The following MAGI2 variants were observed in gnomAD, a reference collection of about 807,000 sequenced individuals.
MAGI2 encodes membrane associated guanylate kinase, WW and PDZ domain containing 2, also known as membrane-associated guanylate kinase, WW and PDZ domain-containing protein 2.
A neutral mutation model predicts 133.3 loss-of-function variants in MAGI2; 35 were observed. The observed-to-expected ratio is 0.26, with a 90% confidence interval of 0.20 to 0.35. MAGI2 has a LOEUF of 0.35. MAGI2 is among the 10% of genes least tolerant of loss of function. The pLI is 1.00. For missense variants in MAGI2, 1,636 were observed against 1,863.4 expected (o/e 0.88, Z 2.25); for synonymous variants, 729 against 710.6 (o/e 1.03, Z -0.41).
chr7:78,830,601 T>C (rs1791059180), intron 2 of MAGI2, among the ~76,000 whole-genome samples: 1 of 152,208 alleles, frequency 6.6e-6, no homozygotes, highest in African/African-American at 2.4e-5. Flanking sequence ...AGTTTTCCTG[T>C]GATTTTCAGT....
At position 78,680,753 on chromosome 7, in the gene MAGI2, G is replaced by A. The variant is rs114923981; in HGVS notation, c.419-53514C>T. On this transcript the variant is annotated intron_variant, in intron 2 of 21. Transcript: ENST00000354212. ...ACCTAAATCCCTCTTAACCCAGTAG[G>A]ATTTCATTTCCTATCTGTGCTCCTT... 4.1e-3 allele frequency among the ~76,000 whole-genome samples: 626 copies of A among 152,198 alleles called. 9 individuals carry two copies. Among genetic ancestry groups the A allele is most frequent in the African/African-American group, 0.014 (591 of 41,532 alleles).
chr7:78,872,834 C>T (rs1014663703), intron 2 of MAGI2, among the ~76,000 whole-genome samples: 4 of 151,710 alleles, frequency 2.6e-5, no homozygotes, highest in East Asian at 1.9e-4. Context: ...ATGAGAATAA[C>T]CATATATGAA....
At chr7:78,803,102 A>G (rs1032545163) in intron 2 of MAGI2, among the ~76,000 whole-genome samples, 2 of 152,184 alleles carry the variant, frequency 1.3e-5, no homozygotes, top group Admixed American at 6.5e-5. Context: ...ATAGTTACAC[A>G]GGACAGATAA....
chr7:79,330,288 G>A (rs1160789784), intron 1 of MAGI2, among the ~76,000 whole-genome samples: 1 of 141,120 alleles, frequency 7.1e-6, no homozygotes, highest in Non-Finnish European at 1.5e-5. Flanking sequence ...CCGCCTTCCA[G>A]GTTCATGCCA....
chr7:78,382,022 C>A (rs149009454), intron 6 of MAGI2, among the ~76,000 whole-genome samples: 1 of 152,118 alleles, frequency 6.6e-6, no homozygotes, highest in Non-Finnish European at 1.5e-5. Context: ...ATTTTAATAG[C>A]AAATCATGGA....
Position 78,553,589 on chromosome 7 carries a change from T to G in MAGI2, c.539-31944A>C, listed in dbSNP as rs547209038. 7.7e-4 allele frequency among the ~76,000 whole-genome samples: 117 copies of G among 152,312 alleles called. 1 individual carries two copies. The highest frequency in any genetic ancestry group is 2.6e-3 in the African/African-American group (109 of 41,568). Reference sequence around the variant, plus strand: ...TCAGACTAAATGATCCCAAGTTAGTTAGATGATTATCTCATTAGAGCTACT... The same window carrying G: ...TCAGACTAAATGATCCCAAGTTAGTGAGATGATTATCTCATTAGAGCTACT... On this transcript the variant is annotated intron_variant, in intron 3 of 21. Transcript: ENST00000354212.
chr7:78,929,668 GT>G (rs1222682823), intron 2 of MAGI2, among the ~76,000 whole-genome samples: 1 of 151,870 alleles, frequency 6.6e-6, no homozygotes, highest in Non-Finnish European at 1.5e-5. Context: ...TTCCTTCTGG[GT>G]CCCTCTTATA....
intron 3 of MAGI2, chr7:78,616,801 G>C (rs1807151715): frequency 6.6e-6 from 1 of 152,160 alleles, no homozygotes; most frequent in Non-Finnish European, 1.5e-5. Flanking sequence ...AGTAGGGGTA[G>C]AAGGGTTCTC....
intron 1 of MAGI2, among the ~76,000 whole-genome samples, chr7:79,397,225 C>T (rs536858456): frequency 2.2e-4 from 33 of 149,504 alleles, no homozygotes; most frequent in Admixed American, 1.7e-3. Context: ...TGTATATATG[C>T]GTGTGTATAT....
chr7:78,663,537 T>G (rs1813213067), intron 2 of MAGI2, among the ~76,000 whole-genome samples: 1 of 152,048 alleles, frequency 6.6e-6, no homozygotes, highest in Admixed American at 6.6e-5. Context: ...TTTGAACAAC[T>G]TTTGCTGAAT....
At chr7:78,486,621 G>T in intron 6 of MAGI2, 1 of 309,548 alleles carries the variant, frequency 3.2e-6, no homozygotes, top group South Asian at 4.0e-5. Context: ...TGGGTGCAGT[G>T]ATTGAAGGAG....
intron 7 of MAGI2, among the ~76,000 whole-genome samples, chr7:78,358,001 G>GT (rs940936181): frequency 6.8e-6 from 1 of 147,818 alleles, no homozygotes; most frequent in Non-Finnish European, 1.5e-5. Flanking sequence ...ATTTTTTATT[G>GT]TTAAAAAAAA....
chr7:78,447,378 TAAAA>T (rs61438029), intron 6 of MAGI2, among the ~76,000 whole-genome samples: 1 of 139,914 alleles, frequency 7.1e-6, no homozygotes, highest in African/African-American at 2.6e-5. Flanking sequence ...TCCAGATGGC[TAAAA>T]AAAAAAAAAG....
At chr7:78,741,669 C>T (rs1029675801) in intron 2 of MAGI2, among the ~76,000 whole-genome samples, 2 of 152,086 alleles carry the variant, frequency 1.3e-5, no homozygotes, top group East Asian at 3.9e-4. Flanking sequence ...CTTAGCTTTG[C>T]CTCTTTACTT....
intron 2 of MAGI2, among the ~76,000 whole-genome samples, chr7:78,654,553 C>A (rs1317406368): frequency 1.3e-5 from 2 of 151,244 alleles, no homozygotes; most frequent in African/African-American, 4.9e-5. Context: ...GTAATTATGC[C>A]AACGTTTCCC....
chr7:78,242,640 T>A (rs1191087617), intron 10 of MAGI2, among the ~76,000 whole-genome samples: 1 of 152,240 alleles, frequency 6.6e-6, no homozygotes, highest in Non-Finnish European at 1.5e-5. Flanking sequence ...TCTTTTCAAA[T>A]ACCTGGTGCT....
chr7:78,366,383 A>G (rs1477812251), intron 7 of MAGI2, among the ~76,000 whole-genome samples: 1 of 152,154 alleles, frequency 6.6e-6, no homozygotes, highest in African/African-American at 2.4e-5. Context: ...GACATTTACT[A>G]ATCTTTTATG....
intron 9 of MAGI2, among the ~76,000 whole-genome samples, chr7:78,316,960 G>A (rs1198951309): frequency 6.6e-6 from 1 of 152,066 alleles, no homozygotes; most frequent in Non-Finnish European, 1.5e-5. Flanking sequence ...ATTCTCTAAG[G>A]AACACAGTTA....
chr7:79,232,291 A>G (rs1831441762), intron 1 of MAGI2, among the ~76,000 whole-genome samples: 1 of 146,636 alleles, frequency 6.8e-6, no homozygotes, highest in African/African-American at 2.5e-5. Flanking sequence ...TTGGTATCAG[A>G]ATGATGCTGG....
Sources: allele counts gnomAD v4.1 joint callset (sites outside exome capture counted in the v4.1 genomes callset), GRCh38; gene constraint gnomAD v4.1.1; transcripts MANE v1.5; gene names NCBI Gene and HGNC (gene_info 2026-07-23, HGNC 2026-07-21).